MAP4K1: variants seen among roughly 807,000 people sequenced by gnomAD.
MAP4K1 encodes MAPK/ERK kinase kinase kinase 1.
Under a neutral mutation model 122.8 loss-of-function variants are expected in MAP4K1, and 35 were observed. That is an observed-to-expected ratio of 0.29 (90% CI 0.22 to 0.38). MAP4K1 has a LOEUF of 0.38. Ranked by LOEUF, MAP4K1 falls within the 10% of genes least tolerant of loss-of-function variation. The pLI is 1.00. For synonymous variants in MAP4K1, 412 were observed against 421.3 expected (o/e 0.98, Z 0.27); for missense variants, 791 against 1,072.6 (o/e 0.74, Z 3.67).
intron 30 of MAP4K1, among the ~76,000 whole-genome samples, chr19:38,590,609 G>T (rs1275385674): frequency 6.6e-6 from 1 of 150,948 alleles, no homozygotes; most frequent in Non-Finnish European, 1.5e-5. Context: ...CTCCCAGCTG[G>T]GATTACAGGC....
chr19:38,603,139 T>C (rs1306553113), intron 19 of MAP4K1, among the ~76,000 whole-genome samples: 1 of 145,940 alleles, frequency 6.9e-6, no homozygotes, highest in Non-Finnish European at 1.5e-5. Flanking sequence ...CGCATATACA[T>C]ATATACACAC....
intron 8 of MAP4K1, among the ~76,000 whole-genome samples, chr19:38,613,595 G>A (rs1214293167): frequency 6.6e-6 from 1 of 152,060 alleles, no homozygotes; most frequent in East Asian, 1.9e-4. Flanking sequence ...CAAAGAGACA[G>A]AGAGCACTGC....
Position 38,596,345 on chromosome 19 carries a change from C to A in MAP4K1, c.2083G>T (p.Ala695Ser), listed in dbSNP as rs564776236. The A allele has an allele frequency of 2.0e-5, 32 of 1,601,412 alleles. No individual in the cohort carries two copies. The South Asian group carries it at 2.3e-4, about 12-fold the overall frequency. ...SVLFHTVRFGALSCWLGEMST... is the reference protein window; with the variant it reads ...SVLFHTVRFGSLSCWLGEMST... ...ATCTCGCCCAGCCAGCAAGAGAGCG[C>A]GCCAAAGCGCACCGTGTGGAAGAGC... The change falls in exon 26 of 31, where the codon GCG (alanine) becomes TCG (serine). Residue 695 changes from alanine (A) to serine (S), a missense_variant. By Grantham distance (99) the Ala-to-Ser change is moderately conservative. This residue lies in a region of MAP4K1 where 267 missense variants were observed against 323.0 expected (regional missense o/e 0.83). Coordinates refer to ENST00000396857, the MANE Select transcript of MAP4K1 (RefSeq NM_001042600.3).
Position 38,587,641 on chromosome 19 carries a change from G to T in MAP4K1, c.*107C>A. ...TTCCCCCAAGAAAAACAAGATGACA[G>T]CAGAGGCTAAAGTCATGTTTATTGG... On this transcript the variant is annotated 3_prime_UTR_variant, in exon 31 of 31. Transcript: ENST00000396857. The T allele has an allele frequency of 1.0e-6, 1 of 980,080 alleles. No homozygotes were observed. The allele number at this position is 980,080 out of a possible 1,614,324, so 60.7% of individuals were successfully genotyped here. A position where few individuals can be genotyped will look rare whatever the true frequency, so the allele number is the denominator to read the frequency against.
Position 38,601,545 on chromosome 19 carries a change from G to T in MAP4K1, c.1447-20C>A, listed in dbSNP as rs1480099124. On this transcript the variant is annotated intron_variant, in intron 19 of 30. Transcript: ENST00000396857. ...ACATCCCTGGGCAGGTCGCCGCGGGGCCAGGCAGCAGATCCGGCAAAGAGA... is the reference window on the plus strand; with the variant it reads ...ACATCCCTGGGCAGGTCGCCGCGGGTCCAGGCAGCAGATCCGGCAAAGAGA... The T allele has an allele frequency of 1.3e-6, 2 of 1,580,376 alleles. No homozygotes were observed. The highest frequency in any genetic ancestry group is 3.6e-5 in the Admixed American group (2 of 56,302).
In MAP4K1 at chr19:38,617,821, G is replaced by A. The variant is rs775066343; in HGVS notation, c.75C>T (p.Gly25=). The A allele has an allele frequency of 1.2e-6, 2 of 1,614,088 alleles. No homozygotes were observed. The highest frequency in any genetic ancestry group is 1.7e-5 in the Admixed American group (1 of 60,016). ...CCTTAAAGACTTCCCCATACGTGCC[G>A]CCACCCAGCCGCTGTAGCAGGTCAT... ...DHYDLLQRLG[G]GTYGEVFKAR... is the part of the protein sequence containing the mutation. Residue 25 remains glycine, a synonymous_variant, in exon 1 of 31, where the codon GGC becomes GGT. Coordinates refer to ENST00000396857, the MANE Select transcript of MAP4K1 (RefSeq NM_001042600.3). This position sits in a 1 kb window ranked among gnomAD's most constrained non-coding sequence, Gnocchi z 4.1.
chr19:38,600,020 C>A (rs1400730962), intron 21 of MAP4K1, 35 bp from the exon 22 acceptor site: 7 of 1,613,938 alleles, frequency 4.3e-6, no homozygotes, highest in Non-Finnish European at 5.1e-6. Flanking sequence ...CTGGTGACAC[C>A]CCAGCAACCC....
Position 38,612,760 on chromosome 19 carries a change from C to T in MAP4K1, c.534-18G>A, listed in dbSNP as rs772583489. 4 of 1,610,888 alleles carry T rather than the reference C, an allele frequency of 2.5e-6. No homozygotes were observed. Among genetic ancestry groups the T allele is most frequent in the East Asian group, 2.2e-5 (1 of 44,768 alleles). On this transcript the variant is annotated intron_variant, in intron 8 of 30. Transcript: ENST00000396857. ...GAGCCATCCTGGGGGCAGACACGCT[C>T]AGAGAGCCAGAGGTGGCATGGGGAC...
chr19:38,617,545 G>A lies in MAP4K1; in HGVS notation c.157+23C>T, dbSNP rs1232936473. Reference sequence around the variant, plus strand: ...GAGGCGAAGGTGGGGATGTGGGGAAGGAGCTCCATGTTCCCTCCTCACCAG... The same window carrying A: ...GAGGCGAAGGTGGGGATGTGGGGAAAGAGCTCCATGTTCCCTCCTCACCAG... On this transcript the variant is annotated intron_variant, in intron 2 of 30. Coordinates refer to ENST00000396857, the MANE Select transcript of MAP4K1 (RefSeq NM_001042600.3). The surrounding 1 kb of genome is among the most constrained non-coding windows in gnomAD (Gnocchi z 4.1). 1 of 1,613,830 alleles carries A rather than the reference G, an allele frequency of 6.2e-7. No homozygotes were observed. The highest frequency in any genetic ancestry group is 8.5e-7 in the Non-Finnish European group (1 of 1,179,900).
intron 8 of MAP4K1, among the ~76,000 whole-genome samples, chr19:38,613,169 G>T (rs1030687046): frequency 1.3e-5 from 2 of 151,982 alleles, no homozygotes; most frequent in South Asian, 4.1e-4. Context: ...TTAGCCGGGC[G>T]TGGTGGCAGG....
intron 20 of MAP4K1, 116 bp from the exon 21 acceptor site, chr19:38,600,269 T>C: frequency 1.2e-6 from 1 of 823,040 alleles, no homozygotes; most frequent in Non-Finnish European, 2.0e-6. Flanking sequence ...CTCTATTCTT[T>C]CTCCAAACCA....
intron 8 of MAP4K1, 45 bp from the exon 9 acceptor site, chr19:38,612,787 G>T: frequency 6.2e-7 from 1 of 1,602,182 alleles, no homozygotes. Context: ...CATGGGGACA[G>T]GAAGGGAAGG....
intron 9 of MAP4K1, among the ~76,000 whole-genome samples, 162 bp from the exon 10 acceptor site, chr19:38,611,467 G>A (rs2144737547): frequency 6.6e-6 from 1 of 152,264 alleles, no homozygotes; most frequent in Admixed American, 6.5e-5. Context: ...CTCTCCTAAG[G>A]GAAGCCATTT....
rs1313866883 is a variant in MAP4K1, at chr19:38,593,161, G to A, written c.2396+121C>T. 3.4e-5 allele frequency: 29 copies of A among 855,144 alleles called. No individual in the cohort carries two copies. In the South Asian group the frequency reaches 4.9e-4, roughly 14 times the overall value. The allele number at this position is 855,144 out of a possible 1,614,324, so 53.0% of individuals were successfully genotyped here. A position where few individuals can be genotyped will look rare whatever the true frequency, so the allele number is the denominator to read the frequency against. On this transcript the variant is annotated intron_variant, in intron 30 of 30. Transcript: ENST00000396857. ...CAGACTCTAGGGAGCAGGGATGGAA[G>A]CAGGGTGACCAGGTGAGACACTGTC...
chr19:38,615,761 G>A (rs889676410), intron 4 of MAP4K1, among the ~76,000 whole-genome samples: 4 of 152,074 alleles, frequency 2.6e-5, no homozygotes, highest in Non-Finnish European at 4.4e-5. Context: ...AGAATCAAAC[G>A]ATTCTCCTGC....
chr19:38,592,546 G>C (rs567561880), intron 30 of MAP4K1: 1 of 151,930 alleles, frequency 6.6e-6, no homozygotes, highest in Non-Finnish European at 1.5e-5. Flanking sequence ...CTGCACTCCA[G>C]CCTGGGCAAC....
At chr19:38,590,304 T>C (rs78371077) in intron 30 of MAP4K1, among the ~76,000 whole-genome samples, 124,391 of 124,392 alleles carry the variant, frequency 1, 62,195 homozygotes, top group Middle Eastern at 1. Flanking sequence ...CAAAAGAAGT[T>C]TTAATTATTT....
intron 19 of MAP4K1, among the ~76,000 whole-genome samples, chr19:38,602,957 CATATACACAT>C (rs1266253020): frequency 7.7e-6 from 1 of 129,168 alleles, no homozygotes; most frequent in Non-Finnish European, 1.6e-5. Flanking sequence ...TATATACACA[CATATACACAT>C]GCACATATAT....
Position 38,609,686 on chromosome 19 carries a change from G to A in MAP4K1, c.928-12C>T. Reference sequence around the variant, plus strand: ...ATAGCAGGGGGTAGCTGGGCAGAGGGGCAGCCACGTCAGGGCTCAAGACCC... The same window carrying A: ...ATAGCAGGGGGTAGCTGGGCAGAGGAGCAGCCACGTCAGGGCTCAAGACCC... On this transcript the variant is annotated splice_polypyrimidine_tract_variant and intron_variant, in intron 12 of 30. Transcript: ENST00000396857. 1.9e-6 allele frequency: 3 copies of A among 1,607,308 alleles called. No homozygotes were observed. In the South Asian group the frequency reaches 3.3e-5, roughly 18 times the overall value.
Sources: allele counts gnomAD v4.1 joint callset (sites outside exome capture counted in the v4.1 genomes callset), GRCh38; gene constraint gnomAD v4.1.1; regional missense constraint gnomAD v4.1.1; non-coding constraint Gnocchi (gnomAD v3.1); transcripts MANE v1.5; gene names NCBI Gene and HGNC (gene_info 2026-07-23, HGNC 2026-07-21).